Variants in ARHGAP44 observed in about 807,000 individuals in gnomAD.
ARHGAP44 encodes the protein rho GTPase-activating protein 44.
Under a neutral mutation model 106.8 loss-of-function variants are expected in ARHGAP44, and 43 were observed. That is an observed-to-expected ratio of 0.40 (90% CI 0.32 to 0.52). The LOEUF (loss-of-function observed/expected upper bound fraction) is 0.52. Ranked by LOEUF, ARHGAP44 falls within the 20% of genes least tolerant of loss-of-function variation. The probability of loss-of-function intolerance (pLI) is 0.48; values close to 1 mark genes in which losing one functional copy is unlikely to be tolerated. For synonymous variants in ARHGAP44, 439 were observed against 410.3 expected (o/e 1.07, Z -0.85); for missense variants, 866 against 1,050.5 (o/e 0.82, Z 2.43).
chr17:12,838,842 TTGTGTGTGTA>T (rs965045024), intron 1 of ARHGAP44, among the ~76,000 whole-genome samples: 3 of 151,856 alleles, frequency 2.0e-5, no homozygotes, highest in African/African-American at 7.3e-5. Flanking sequence ...TGGCTAATTT[TTGTGTGTGTA>T]TGTGTGTGTA....
intron 7 of ARHGAP44, among the ~76,000 whole-genome samples, chr17:12,939,659 G>T (rs967622771): frequency 6.6e-6 from 1 of 152,030 alleles, no homozygotes; most frequent in African/African-American, 2.4e-5. Context: ...GTAGAGACGG[G>T]GTTTCACCGT....
intron 1 of ARHGAP44, among the ~76,000 whole-genome samples, chr17:12,842,408 C>T: frequency 8.2e-6 from 1 of 121,914 alleles, no homozygotes; most frequent in Non-Finnish European, 1.6e-5. Flanking sequence ...CAGAGCGAGA[C>T]CATCTCAAAA....
At chr17:12,808,423 A>G (rs59165679) in intron 1 of ARHGAP44, among the ~76,000 whole-genome samples, 27,351 of 152,242 alleles carry the variant, frequency 0.18, 4,170 homozygotes, top group African/African-American at 0.41. Flanking sequence ...TGGACATCCA[A>G]GCATTTCCAT....
intron 1 of ARHGAP44, among the ~76,000 whole-genome samples, chr17:12,804,076 G>C (rs2034199751): frequency 6.6e-6 from 1 of 152,158 alleles, no homozygotes; most frequent in Admixed American, 6.5e-5. Context: ...GTCACTTGCT[G>C]TCTTTCTCTC....
intron 1 of ARHGAP44, chr17:12,790,578 A>C (rs888368907): frequency 1.3e-5 from 2 of 152,536 alleles, no homozygotes; most frequent in African/African-American, 4.8e-5. Flanking sequence ...CCTCGGGAAG[A>C]TGAGATAAGC....
chr17:12,970,093 G>A (rs2039487409), intron 16 of ARHGAP44, among the ~76,000 whole-genome samples: 1 of 152,130 alleles, frequency 6.6e-6, no homozygotes, highest in African/African-American at 2.4e-5. Context: ...CTCCCATCCT[G>A]TGCATCTCAA....
intron 1 of ARHGAP44, among the ~76,000 whole-genome samples, chr17:12,843,651 C>CTTTTTTTTTTT: frequency 1.0e-5 from 1 of 97,126 alleles, no homozygotes; most frequent in Non-Finnish European, 1.9e-5. Context: ...GTATTGGTTA[C>CTTTTTTTTTTT]TTTTTTTTTT....
intron 7 of ARHGAP44, among the ~76,000 whole-genome samples, chr17:12,934,363 T>C (rs2038486055): frequency 6.6e-6 from 1 of 152,170 alleles, no homozygotes; most frequent in South Asian, 2.1e-4. Context: ...GAAGAGCACA[T>C]ATATTGTTAG....
intron 3 of ARHGAP44, among the ~76,000 whole-genome samples, chr17:12,903,143 G>GAGAGAC: frequency 9.6e-6 from 1 of 104,068 alleles, no homozygotes; most frequent in African/African-American, 5.3e-5. Context: ...GAGAGAGAGT[G>GAGAGAC]TGTGTGTGTG....
intron 1 of ARHGAP44, among the ~76,000 whole-genome samples, chr17:12,811,422 G>A (rs534050770): frequency 8.5e-5 from 13 of 152,264 alleles, no homozygotes; most frequent in African/African-American, 3.1e-4. Context: ...AGTAGGCTGA[G>A]AGGGAGAAGG....
chr17:12,900,046 A>G lies in ARHGAP44; in HGVS notation c.198+3535A>G, dbSNP rs568771809. On this transcript the variant is annotated intron_variant, in intron 3 of 20. Transcript: ENST00000379672. Reference sequence around the variant, plus strand: ...GAGAGAACATTATTGTCTTGTGGGTACTGAGTAAAACTGGATTCCTTATGT... The same window carrying G: ...GAGAGAACATTATTGTCTTGTGGGTGCTGAGTAAAACTGGATTCCTTATGT... Among the ~76,000 whole-genome samples, 127 of 152,342 alleles carry G rather than the reference A, an allele frequency of 8.3e-4. 1 individual carries two copies. Among genetic ancestry groups the G allele is most frequent in the Non-Finnish European group, 1.2e-3 (82 of 68,032 alleles).
chr17:12,923,861 G>C (rs117136397), intron 6 of ARHGAP44, among the ~76,000 whole-genome samples: 2 of 152,252 alleles, frequency 1.3e-5, no homozygotes, highest in East Asian at 3.9e-4. Context: ...ATAGCAGTGA[G>C]AGCAAGACCA....
At chr17:12,858,092 A>G (rs2035964804) in intron 1 of ARHGAP44, among the ~76,000 whole-genome samples, 1 of 152,148 alleles carries the variant, frequency 6.6e-6, no homozygotes, top group African/African-American at 2.4e-5. Context: ...GAAGAACAGG[A>G]CTAAGTCTTA....
chr17:12,897,300 C>T (rs2037237859), intron 3 of ARHGAP44, among the ~76,000 whole-genome samples: 1 of 151,326 alleles, frequency 6.6e-6, no homozygotes, highest in South Asian at 2.1e-4. Context: ...ATTTCTGCAT[C>T]CCCTTGGTCC....
At chr17:12,897,104 C>T (rs924782300) in intron 3 of ARHGAP44, among the ~76,000 whole-genome samples, 4 of 152,168 alleles carry the variant, frequency 2.6e-5, no homozygotes, top group Non-Finnish European at 2.9e-5. Context: ...ACAGCCTCTG[C>T]AGGTTTACCT....
At chr17:12,827,700 G>A (rs1397643626) in intron 1 of ARHGAP44, among the ~76,000 whole-genome samples, 1 of 152,140 alleles carries the variant, frequency 6.6e-6, no homozygotes, top group Non-Finnish European at 1.5e-5. Flanking sequence ...CATTATGAAT[G>A]ATATACAGTT....
chr17:12,914,799 G>GAA (rs749775862), intron 4 of ARHGAP44, among the ~76,000 whole-genome samples: 3,437 of 123,054 alleles, frequency 0.028, 150 homozygotes, highest in South Asian at 0.099. Flanking sequence ...TCCATCTCAA[G>GAA]AAAAAAAAAA....
chr17:12,975,948 T>G (rs997790357), intron 18 of ARHGAP44, among the ~76,000 whole-genome samples: 3 of 152,100 alleles, frequency 2.0e-5, no homozygotes, highest in Admixed American at 2.0e-4. Context: ...TGGCCCTTCC[T>G]TGAAAGGGGC....
intron 1 of ARHGAP44, among the ~76,000 whole-genome samples, chr17:12,879,342 A>T (rs966859203): frequency 4.6e-5 from 7 of 152,188 alleles, no homozygotes; most frequent in Non-Finnish European, 7.4e-5. Flanking sequence ...CATGGTGTAT[A>T]TCACATTTTC....
Sources: allele counts gnomAD v4.1 joint callset (sites outside exome capture counted in the v4.1 genomes callset), GRCh38; gene constraint gnomAD v4.1.1; transcripts MANE v1.5; gene names NCBI Gene and HGNC (gene_info 2026-07-23, HGNC 2026-07-21).